CDK5RAP2: variants seen among roughly 807,000 people sequenced by gnomAD.
CDK5RAP2 encodes CDK5 regulatory subunit associated protein 2.
Under a neutral mutation model 232.9 loss-of-function variants are expected in CDK5RAP2, and 147 were observed. That is an observed-to-expected ratio of 0.63 (90% confidence interval 0.55 to 0.72). The LOEUF (loss-of-function observed/expected upper bound fraction) is 0.72, where lower values mean the gene tolerates loss of function less well. Among genes scored for constraint, CDK5RAP2 ranks in the 30% least tolerant of loss-of-function variants. CDK5RAP2 has a pLI of 0.00. For missense variants in CDK5RAP2, 2,195 were observed against 2,231.5 expected (o/e 0.98, Z 0.33); for synonymous variants, 833 against 833.7 (o/e 1.00, Z 0.01).
rs2033191319 is a variant in CDK5RAP2 at position 120,403,236 on chromosome 9, A to C, written c.5042-165T>G. ...AAGAGGCACGCTCCTGGACCTCTGT[A>C]TATTACCCCACACTGGGCTTATGAG... On this transcript the variant is annotated intron_variant, in intron 33 of 37. Transcript: ENST00000349780. This position sits in a 1 kb window ranked among gnomAD's most constrained non-coding sequence, Gnocchi z 4.2. The C allele has an allele frequency of 4.7e-6, 3 of 641,572 alleles. No individual in the cohort carries two copies. The African/African-American group carries it at 5.5e-5, about 12-fold the overall frequency. The allele number at this position is 641,572 out of a possible 1,614,324, so 39.7% of individuals were successfully genotyped here. A position where few individuals can be genotyped will look rare whatever the true frequency, so the allele number is the denominator to read the frequency against.
Position 120,513,437 on chromosome 9 carries a change from G to A in CDK5RAP2, c.1311+4990C>T, listed in dbSNP as rs145472647. On this transcript the variant is annotated intron_variant, in intron 12 of 37. Transcript: ENST00000349780. ...GGCTCTCCACAAGCCAACTTCTCTCGGGTTAATCTCCTGACACATCCCTAG... is the reference window on the plus strand; with the variant it reads ...GGCTCTCCACAAGCCAACTTCTCTCAGGTTAATCTCCTGACACATCCCTAG... Among the ~76,000 whole-genome samples, 403 of 152,166 alleles carry A rather than the reference G, an allele frequency of 2.6e-3. 4 individuals carry two copies. Among genetic ancestry groups the A allele is most frequent in the African/African-American group, 8.9e-3 (371 of 41,512 alleles).
At position 120,522,722 on chromosome 9, in the gene CDK5RAP2, G is replaced by C. The variant is rs118091153; in HGVS notation, c.1092+2264C>G. Among the ~76,000 whole-genome samples, 137 of 152,292 alleles carry C rather than the reference G, an allele frequency of 9.0e-4. 2 individuals carry two copies. In the East Asian group the frequency reaches 0.021, roughly 24 times the overall value. ...CAGTGATTAGAATTCACACCTCTGT[G>C]CTTCTGAACTTTGGCAATCACTTCA... On this transcript the variant is annotated intron_variant, in intron 11 of 37. Transcript: ENST00000349780.
chr9:120,422,660 G>C (rs2034634876), intron 26 of CDK5RAP2, 33 bp downstream of exon 26: 3 of 1,566,718 alleles, frequency 1.9e-6, no homozygotes, highest in Non-Finnish European at 2.6e-6. Flanking sequence ...AGAAAGTCCT[G>C]GGAAGTCTTC....
chr9:120,550,970 C>T lies in CDK5RAP2; in HGVS notation c.196-68G>A, dbSNP rs1215258785. 5.9e-6 allele frequency: 5 copies of T among 845,346 alleles called. No individual in the cohort carries two copies. In the African/African-American group the frequency reaches 8.3e-5, roughly 14 times the overall value. 52.4% of individuals were successfully genotyped at this position (845,346 alleles called of 1,614,324 possible). ...CAGAGGGTCCAACAGATAGTACATA[C>T]ATTAGTCGCTATGGATTACGAGGCT... is the stretch of plus-strand genomic sequence containing the variant. On this transcript the variant is annotated intron_variant, in intron 3 of 37. Coordinates refer to ENST00000349780, the MANE Select transcript of CDK5RAP2 (RefSeq NM_018249.6).
chr9:120,393,172 A>G (rs1389246539), intron 36 of CDK5RAP2, among the ~76,000 whole-genome samples: 1 of 152,102 alleles, frequency 6.6e-6, no homozygotes, highest in African/African-American at 2.4e-5. Context: ...AGACCCAGTC[A>G]GTCTTGAACC....
At chr9:120,422,247 G>A (rs2034608128) in intron 26 of CDK5RAP2, among the ~76,000 whole-genome samples, 1 of 152,192 alleles carries the variant, frequency 6.6e-6, no homozygotes, top group Non-Finnish European at 1.5e-5. Flanking sequence ...AGAGGAGGAA[G>A]GCAGAGTGCA....
At chr9:120,397,551 AAAAAAAAAAAAAAAG>A (rs1179906141) in intron 35 of CDK5RAP2, among the ~76,000 whole-genome samples, 4 of 140,376 alleles carry the variant, frequency 2.8e-5, no homozygotes, top group Non-Finnish European at 6.1e-5. Context: ...TCTTAAAAAA[AAAAAAAAAAAAAAAG>A]AAAAAAGAAA....
At chr9:120,442,293 CA>C (rs2035943106) in intron 23 of CDK5RAP2, among the ~76,000 whole-genome samples, 1 of 152,168 alleles carries the variant, frequency 6.6e-6, no homozygotes, top group African/African-American at 2.4e-5. Flanking sequence ...AACACTCCTG[CA>C]ATCCAATCTC....
chr9:120,527,978 C>T, intron 9 of CDK5RAP2, 53 bp from the exon 10 acceptor site: 4 of 1,606,422 alleles, frequency 2.5e-6, no homozygotes, highest in Non-Finnish European at 3.4e-6. Context: ...AACCAAAATG[C>T]ACCATAAATA....
At position 120,408,377 on chromosome 9, in the gene CDK5RAP2, T is replaced by G; in HGVS notation, c.4696A>C (p.Lys1566Gln). 2 of 1,614,148 alleles carry G rather than the reference T, an allele frequency of 1.2e-6. No individual in the cohort carries two copies. Among genetic ancestry groups the G allele is most frequent in the Non-Finnish European group, 1.7e-6 (2 of 1,180,010 alleles). Residue 1566 changes from lysine (K) to glutamine (Q), a missense_variant, in exon 31 of 38, where the codon AAG (lysine) becomes CAG (glutamine). Transcript: ENST00000349780. ...SLRVELKAYE[K>Q]LDEEHRRLRE... ...AGTCTCCTGTGCTCTTCATCCAGCT[T>G]CTCATACGCCTTCAGCTCCACTCGG... is the stretch of plus-strand genomic sequence containing the variant.
intron 26 of CDK5RAP2, among the ~76,000 whole-genome samples, chr9:120,421,266 C>T (rs1306757766): frequency 1.3e-5 from 2 of 152,192 alleles, no homozygotes; most frequent in East Asian, 1.9e-4. Context: ...AACTCTCACC[C>T]TTTAGATCTC....
At chr9:120,519,634 G>A (rs1306984987) in intron 11 of CDK5RAP2, among the ~76,000 whole-genome samples, 1 of 152,140 alleles carries the variant, frequency 6.6e-6, no homozygotes, top group African/African-American at 2.4e-5. Context: ...TCCAACCTAC[G>A]ACTGGTGTCA....
At chr9:120,578,335 A>G (rs1308270111) in intron 1 of CDK5RAP2, among the ~76,000 whole-genome samples, 1 of 152,220 alleles carries the variant, frequency 6.6e-6, no homozygotes, top group African/African-American at 2.4e-5. Flanking sequence ...GCAAAGGACA[A>G]TACAAGAGAG....
chr9:120,437,285 C>T lies in CDK5RAP2; in HGVS notation c.3955+10G>A, dbSNP rs2035638664. ...GATGTCTTAAGACTCGCGTACCTCACCCTACCTACCGTTGAGAAATAGCTT... is the reference window on the plus strand; with the variant it reads ...GATGTCTTAAGACTCGCGTACCTCATCCTACCTACCGTTGAGAAATAGCTT... On this transcript the variant is annotated intron_variant, in intron 25 of 37. Coordinates refer to ENST00000349780, the MANE Select transcript of CDK5RAP2 (RefSeq NM_018249.6). 3 of 1,595,616 alleles carry T rather than the reference C, an allele frequency of 1.9e-6. No individual in the cohort carries two copies. The highest frequency in any genetic ancestry group is 2.6e-6 in the Non-Finnish European group (3 of 1,167,052).
intron 12 of CDK5RAP2, 33 bp downstream of exon 12, chr9:120,518,394 T>C (rs1412259929): frequency 6.4e-7 from 1 of 1,568,736 alleles, no homozygotes; most frequent in East Asian, 2.2e-5. Context: ...AAAAGCACTG[T>C]CCACTGTGTC....
In CDK5RAP2 at chr9:120,411,384, T is replaced by C. The variant is rs748523387; in HGVS notation, c.4388A>G (p.Asn1463Ser). The change falls in exon 29 of 38, where the codon AAT (asparagine) becomes AGT (serine). Residue 1463 changes from asparagine to serine, a missense_variant. By Grantham distance (46) the Asn-to-Ser change is conservative. Coordinates refer to ENST00000349780, the MANE Select transcript of CDK5RAP2 (RefSeq NM_018249.6). ...TCTGGATCCTTTAATGAGCATTGCATTGAGGGCCTGGTTCTGCTTCCTCAA... is the reference window on the plus strand; with the variant it reads ...TCTGGATCCTTTAATGAGCATTGCACTGAGGGCCTGGTTCTGCTTCCTCAA... ...HFLRKQNQAL[N>S]AMLIKGSRDK... 1.1e-5 allele frequency: 17 copies of C among 1,609,792 alleles called. No homozygotes were observed. The South Asian group carries it at 1.8e-4, about 17-fold the overall frequency.
intron 12 of CDK5RAP2, among the ~76,000 whole-genome samples, chr9:120,492,023 G>C (rs2038934539): frequency 6.6e-6 from 1 of 151,556 alleles, no homozygotes; most frequent in African/African-American, 2.4e-5. Flanking sequence ...GAAAAAAACT[G>C]TCTTAATACC....
At chr9:120,543,170 T>A (rs1209353554) in intron 5 of CDK5RAP2, among the ~76,000 whole-genome samples, 2 of 152,190 alleles carry the variant, frequency 1.3e-5, no homozygotes. Flanking sequence ...AGCCTGTTGA[T>A]TCTGCTTCCC....
At chr9:120,409,958 G>A (rs2033742167) in intron 29 of CDK5RAP2, among the ~76,000 whole-genome samples, 1 of 152,152 alleles carries the variant, frequency 6.6e-6, no homozygotes, top group Non-Finnish European at 1.5e-5. Flanking sequence ...TTTATCACAG[G>A]GAGTCAGGAG....
Sources: gnomAD v4.1 joint callset for allele counts (sites outside exome capture counted in the v4.1 genomes callset) on GRCh38, gnomAD v4.1.1 for gene constraint, Gnocchi (gnomAD v3.1) non-coding constraint, MANE v1.5 for transcripts, NCBI Gene and HGNC (gene_info 2026-07-23, HGNC 2026-07-21) for gene names.